MIS18A: variants seen among roughly 807,000 people sequenced by gnomAD.
The protein encoded by MIS18A is MIS18 kinetochore protein A.
MIS18A carries 14 observed loss-of-function variants against 25.0 expected under a neutral mutation model. The observed-to-expected ratio is 0.56, with a 90% CI of 0.37 to 0.88. MIS18A has a LOEUF of 0.88. MIS18A is among the 40% of genes least tolerant of loss of function. MIS18A has a pLI of 0.00. For synonymous variants in MIS18A, 134 were observed against 118.6 expected (o/e 1.13, Z -0.84); for missense variants, 292 against 290.8 (o/e 1.00, Z -0.03).
At chr21:32,159,885 G>A in the MIS18A span, among the ~76,000 whole-genome samples, 669 of 152,292 alleles carry the variant, frequency 4.4e-3, 5 homozygotes, top group African/African-American at 0.015. Context: ...TGCAGAGGAA[G>A]CTCTTAGGTA....
the MIS18A span, among the ~76,000 whole-genome samples, chr21:32,258,441 T>G: frequency 1.4e-4 from 21 of 152,300 alleles, no homozygotes; most frequent in African/African-American, 4.8e-4. Context: ...GCAACCTTCC[T>G]GTTGGACAGG....
At chr21:32,265,530 T>C (rs1301931716), downstream of MIS18A, among the ~76,000 whole-genome samples, 10 of 152,218 alleles carry the variant, frequency 6.6e-5, no homozygotes, top group Admixed American at 1.3e-4. Flanking sequence ...CCACCGGCGC[T>C]GTGCTGGATT....
the MIS18A span, among the ~76,000 whole-genome samples, chr21:32,218,529 G>C: frequency 1.3e-5 from 2 of 152,208 alleles, no homozygotes; most frequent in African/African-American, 4.8e-5. Flanking sequence ...CAAAGGAGCA[G>C]AGAGGAAATA....
chr21:32,262,476 C>G, the MIS18A span, among the ~76,000 whole-genome samples: 5 of 152,228 alleles, frequency 3.3e-5, no homozygotes, highest in African/African-American at 1.2e-4. Context: ...CCCCGCAGCT[C>G]CTGGTAAGGG....
the MIS18A span, among the ~76,000 whole-genome samples, chr21:32,242,665 T>C: frequency 2.0e-3 from 303 of 152,244 alleles, 3 homozygotes; most frequent in African/African-American, 6.2e-3. Context: ...GTCATTTTTT[T>C]CCCCACAAAT....
chr21:32,163,652 T>A, the MIS18A span, among the ~76,000 whole-genome samples: 1 of 152,194 alleles, frequency 6.6e-6, no homozygotes, highest in Admixed American at 6.5e-5. Context: ...CCTCTCCAGA[T>A]TGTTTCATCT....
At chr21:32,157,305 G>A in the MIS18A span, among the ~76,000 whole-genome samples, 14 of 131,336 alleles carry the variant, frequency 1.1e-4, no homozygotes, top group East Asian at 9.2e-4. Flanking sequence ...TCCTGACTTA[G>A]TGATCCACCT....
the MIS18A span, among the ~76,000 whole-genome samples, chr21:32,256,099 T>C: frequency 1.3e-4 from 20 of 152,172 alleles, 1 homozygote; most frequent in African/African-American, 4.3e-4. Context: ...AGAAGATTCA[T>C]TATTAAACAT....
At chr21:32,158,813 T>C in the MIS18A span, among the ~76,000 whole-genome samples, 2 of 145,012 alleles carry the variant, frequency 1.4e-5, no homozygotes, top group Non-Finnish European at 3.0e-5. Context: ...AGCTGAATTA[T>C]ACAACACCCT....
chr21:32,222,506 A>T, the MIS18A span, among the ~76,000 whole-genome samples: 3 of 152,250 alleles, frequency 2.0e-5, no homozygotes, highest in African/African-American at 4.8e-5. Flanking sequence ...TCAGCACGAC[A>T]TAGCACTTAC....
the MIS18A span, among the ~76,000 whole-genome samples, chr21:32,216,807 C>A: frequency 6.6e-6 from 1 of 152,136 alleles, no homozygotes; most frequent in African/African-American, 2.4e-5. Flanking sequence ...TACAGAACCT[C>A]TCAGCAAAAA....
chr21:32,182,134 G>A, the MIS18A span, among the ~76,000 whole-genome samples: 5 of 152,262 alleles, frequency 3.3e-5, no homozygotes, highest in South Asian at 2.1e-4. Flanking sequence ...GGAGCAAACC[G>A]CAAATCAGGA....
At chr21:32,272,606 C>T (rs931085687) in intron 2 of MIS18A, among the ~76,000 whole-genome samples, 22 of 152,220 alleles carry the variant, frequency 1.4e-4, no homozygotes, top group African/African-American at 5.1e-4. Flanking sequence ...AGGCAGAGAA[C>T]CAGCCAGGCA....
At chr21:32,270,981 T>C (rs1601077330) in intron 2 of MIS18A, among the ~76,000 whole-genome samples, 2 of 152,228 alleles carry the variant, frequency 1.3e-5, no homozygotes, top group Admixed American at 6.5e-5. Flanking sequence ...CCATGGGCCA[T>C]AGTTTACCAA....
chr21:32,234,522 G>A, the MIS18A span, among the ~76,000 whole-genome samples: 1 of 152,150 alleles, frequency 6.6e-6, no homozygotes, highest in Admixed American at 6.5e-5. Flanking sequence ...CAATGGTTGG[G>A]CCATGATGTG....
the MIS18A span, among the ~76,000 whole-genome samples, chr21:32,188,841 C>T: frequency 6.6e-6 from 1 of 152,192 alleles, no homozygotes; most frequent in Non-Finnish European, 1.5e-5. Context: ...GAGAACGAGG[C>T]AGTGAGTGCC....
At chr21:32,223,996 C>T in the MIS18A span, among the ~76,000 whole-genome samples, 8 of 152,274 alleles carry the variant, frequency 5.3e-5, no homozygotes, top group African/African-American at 1.9e-4. Context: ...TAAATGTAAT[C>T]CATCACATAA....
chr21:32,188,218 A>G, the MIS18A span, among the ~76,000 whole-genome samples: 2 of 152,378 alleles, frequency 1.3e-5, no homozygotes, highest in East Asian at 3.9e-4. Context: ...GCCCAAGCTG[A>G]CGAAGACAGC....
At chr21:32,214,018 C>T in the MIS18A span, among the ~76,000 whole-genome samples, 1 of 152,178 alleles carries the variant, frequency 6.6e-6, no homozygotes, top group African/African-American at 2.4e-5. Context: ...GGAGGAAACA[C>T]TCCTGTTCTC....
Sources: allele counts gnomAD v4.1 joint callset (sites outside exome capture counted in the v4.1 genomes callset), GRCh38; gene constraint gnomAD v4.1.1; transcripts MANE v1.5; gene names NCBI Gene and HGNC (gene_info 2026-07-23, HGNC 2026-07-21).